The following PACRG variants were observed in gnomAD, a reference collection of about 807,000 sequenced individuals.
The protein encoded by PACRG is parkin coregulated gene protein.
In PACRG, 29 loss-of-function variants were observed where a neutral mutation model predicts 29.7. The ratio of observed to expected loss-of-function variants is 0.98; its 90% CI spans 0.73 to 1.33. The LOEUF (loss-of-function observed/expected upper bound fraction) is 1.33. PACRG is among the 40% of genes most tolerant of loss of function. The pLI, the probability that PACRG is intolerant of heterozygous loss-of-function variation, is 0.00. For synonymous variants in PACRG, 116 were observed against 118.7 expected, an observed-to-expected ratio of 0.98 and a Z score of 0.15; for missense variants, 279 against 316.2, an observed-to-expected ratio of 0.88 and a Z score of 0.89.
intron 2 of PACRG, among the ~76,000 whole-genome samples, chr6:162,856,747 G>A (rs1470597073): frequency 6.6e-6 from 1 of 152,188 alleles, no homozygotes; most frequent in Non-Finnish European, 1.5e-5. Context: ...ACAAATAGCC[G>A]TTTGAATAAT....
chr6:162,883,403 G>A (rs1011448638), intron 2 of PACRG, among the ~76,000 whole-genome samples: 2 of 152,032 alleles, frequency 1.3e-5, no homozygotes, highest in Admixed American at 1.3e-4. Context: ...TGCTGATGAC[G>A]TACCAAATAT....
intron 2 of PACRG, among the ~76,000 whole-genome samples, chr6:162,852,020 G>GA (rs148079984): frequency 5.1e-5 from 7 of 136,420 alleles, no homozygotes; most frequent in East Asian, 2.5e-4. Context: ...AGGAAGGAAG[G>GA]AAGGAAGGAA....
intron 4 of PACRG, chr6:163,101,412 A>G: frequency 1.0e-6 from 1 of 967,468 alleles, no homozygotes; most frequent in Non-Finnish European, 1.2e-6. Context: ...ACTGAATGTT[A>G]CATATGTTTG....
rs113601366 is a variant in PACRG, at chr6:162,970,315, G to A, written c.292-91835G>A. Among the ~76,000 whole-genome samples, 1,393 of 152,274 alleles carry A rather than the reference G, an allele frequency of 9.1e-3. 16 individuals carry two copies. Among genetic ancestry groups the A allele is most frequent in the African/African-American group, 0.024 (1,009 of 41,550 alleles). ...GAAGGAAAGAATGAGCACAGTCTGA[G>A]GAGGGTGTCTGGGGAGCGCATCGAT... On this transcript the variant is annotated intron_variant, in intron 2 of 4. Coordinates refer to ENST00000366888, the MANE Select transcript of PACRG (RefSeq NM_001080379.2).
At chr6:163,176,573 C>CA (rs58916076) in intron 4 of PACRG, among the ~76,000 whole-genome samples, 3,703 of 151,622 alleles carry the variant, frequency 0.024, 149 homozygotes, top group African/African-American at 0.085. Context: ...AAGACGAAGG[C>CA]AAAAAAGGGG....
chr6:163,180,997 G>A (rs1291753867), intron 4 of PACRG, among the ~76,000 whole-genome samples: 1 of 152,178 alleles, frequency 6.6e-6, no homozygotes, highest in Non-Finnish European at 1.5e-5. Context: ...CAGAGCCAGG[G>A]TGTGAACCCA....
intron 2 of PACRG, among the ~76,000 whole-genome samples, chr6:163,060,374 AG>A (rs908855098): frequency 2.6e-4 from 40 of 152,210 alleles, no homozygotes; most frequent in African/African-American, 9.6e-4. Context: ...TTGGGCCTTT[AG>A]GACCTAAGAA....
intron 2 of PACRG, among the ~76,000 whole-genome samples, chr6:162,844,903 T>C (rs1790220331): frequency 6.6e-6 from 1 of 152,220 alleles, no homozygotes; most frequent in Admixed American, 6.5e-5. Context: ...ACTATGCTTT[T>C]ATTATTATTT....
intron 2 of PACRG, among the ~76,000 whole-genome samples, chr6:162,966,650 G>A (rs1801054070): frequency 6.6e-6 from 1 of 151,912 alleles, no homozygotes. Flanking sequence ...CTAATTTTTT[G>A]TATTTTTAGT....
At chr6:162,775,339 C>G (rs1033019185) in intron 1 of PACRG, among the ~76,000 whole-genome samples, 4 of 152,186 alleles carry the variant, frequency 2.6e-5, no homozygotes, top group Admixed American at 6.5e-5. Flanking sequence ...AATCAAGAGT[C>G]TACATTTGAC....
chr6:163,146,460 G>T (rs973879453), intron 4 of PACRG, among the ~76,000 whole-genome samples: 8 of 152,292 alleles, frequency 5.3e-5, no homozygotes, highest in South Asian at 2.1e-4. Flanking sequence ...TCTACTTGTG[G>T]ATGTTTATCA....
At chr6:162,831,513 A>G (rs1343768719) in intron 2 of PACRG, among the ~76,000 whole-genome samples, 9 of 152,158 alleles carry the variant, frequency 5.9e-5, no homozygotes, top group Admixed American at 5.9e-4. Context: ...TTCCTTTTGT[A>G]AGTTCCAGGA....
chr6:162,773,284 T>C (rs1053623233), intron 1 of PACRG, among the ~76,000 whole-genome samples: 2 of 151,862 alleles, frequency 1.3e-5, no homozygotes, highest in Non-Finnish European at 2.9e-5. Flanking sequence ...AATATCCTAA[T>C]ATTAGAAAAT....
chr6:162,842,779 T>C (rs1789921563), intron 2 of PACRG, among the ~76,000 whole-genome samples: 1 of 132,064 alleles, frequency 7.6e-6, no homozygotes, highest in African/African-American at 3.3e-5. Context: ...GGAGCTCTTT[T>C]AGGGCAGTCC....
chr6:162,880,403 C>A (rs532258559), intron 2 of PACRG, among the ~76,000 whole-genome samples: 1 of 152,272 alleles, frequency 6.6e-6, no homozygotes, highest in Non-Finnish European at 1.5e-5. Flanking sequence ...TGTATTGCAA[C>A]TCTAGCATGT....
chr6:162,980,739 C>T (rs1347298761), intron 2 of PACRG, among the ~76,000 whole-genome samples: 1 of 152,050 alleles, frequency 6.6e-6, no homozygotes, highest in Non-Finnish European at 1.5e-5. Context: ...TCATATTTGC[C>T]TGATATAAAT....
chr6:162,744,779 A>C lies in PACRG; in HGVS notation c.156+16388A>C, dbSNP rs147744673. Among the ~76,000 whole-genome samples, 102 of 152,288 alleles carry C rather than the reference A, an allele frequency of 6.7e-4. No individual in the cohort carries two copies. In the East Asian group the frequency reaches 9.8e-3, roughly 15 times the overall value. ...ATGACTCACTGCTAAAAATCAAATGATATCATGTAATGTTTATGGCTTTTG... is the reference window on the plus strand; with the variant it reads ...ATGACTCACTGCTAAAAATCAAATGCTATCATGTAATGTTTATGGCTTTTG... On this transcript the variant is annotated intron_variant, in intron 1 of 4. Coordinates refer to ENST00000366888, the MANE Select transcript of PACRG (RefSeq NM_001080379.2).
chr6:162,753,023 G>A (rs1781627995), intron 1 of PACRG, among the ~76,000 whole-genome samples: 2 of 152,058 alleles, frequency 1.3e-5, no homozygotes, highest in Non-Finnish European at 2.9e-5. Context: ...ACAATGTGAT[G>A]TTTTGATATA....
intron 2 of PACRG, among the ~76,000 whole-genome samples, chr6:163,041,454 C>T (rs1808712626): frequency 6.6e-6 from 1 of 152,204 alleles, no homozygotes; most frequent in Non-Finnish European, 1.5e-5. Flanking sequence ...AGGGAGTTCT[C>T]ATGAGATTTG....
Sources: allele counts gnomAD v4.1 joint callset (sites outside exome capture counted in the v4.1 genomes callset), GRCh38; gene constraint gnomAD v4.1.1; transcripts MANE v1.5; gene names NCBI Gene and HGNC (gene_info 2026-07-23, HGNC 2026-07-21).